The following TPO variants were observed in gnomAD, a reference collection of about 807,000 sequenced individuals.
TPO encodes thyroid peroxidase.
Under a neutral mutation model 96.9 loss-of-function variants are expected in TPO, and 78 were observed. The ratio of observed to expected loss-of-function variants is 0.81; its 90% confidence interval spans 0.67 to 0.97. The LOEUF (loss-of-function observed/expected upper bound fraction) is 0.97, where lower values mean the gene tolerates loss of function less well. TPO is among the 50% of genes least tolerant of loss of function. The pLI is 0.00. For missense variants in TPO, 1,252 were observed against 1,274.8 expected (o/e 0.98, Z 0.27); for synonymous variants, 547 against 538.0 (o/e 1.02, Z -0.23).
chr2:1,430,911 C>T (rs1371435292), intron 3 of TPO, among the ~76,000 whole-genome samples: 2 of 152,144 alleles, frequency 1.3e-5, no homozygotes, highest in Non-Finnish European at 2.9e-5. Flanking sequence ...CTCAGAGGCT[C>T]ATAGGTAGAA....
chr2:1,383,743 A>C (rs1371232963), intron 1 of TPO, among the ~76,000 whole-genome samples: 1 of 151,990 alleles, frequency 6.6e-6, no homozygotes, highest in Non-Finnish European at 1.5e-5. Context: ...CCCATTTGTC[A>C]ATTTTGGCTT....
chr2:1,429,346 C>T (rs963485067), intron 3 of TPO, among the ~76,000 whole-genome samples: 39 of 152,162 alleles, frequency 2.6e-4, no homozygotes, highest in African/African-American at 7.7e-4. Context: ...CCAGAAGAAC[C>T]GTGAGCCAAT....
intron 15 of TPO, among the ~76,000 whole-genome samples, chr2:1,535,063 C>CCCCCACACTGTGTGCAACCTTCCCAAAT (rs1679262845): frequency 9.8e-4 from 3 of 3,054 alleles, no homozygotes; most frequent in Non-Finnish European, 2.1e-3. Flanking sequence ...CTCCCCAAAT[C>CCCCCACACTGTGTGCAACCTTCCCAAAT]TCCCCCACTC....
In TPO at chr2:1,516,951, G is replaced by A. The variant is rs369563732; in HGVS notation, c.2587G>A (p.Ala863Thr). The A allele has an allele frequency of 4.8e-5, 78 of 1,613,830 alleles. No individual in the cohort carries two copies. The highest frequency in any genetic ancestry group is 2.9e-4 in the East Asian group (13 of 44,882). Residue 863 changes from alanine to threonine, a missense_variant, in exon 15 of 17, where the codon GCA becomes ACA. Physicochemically the swap from Ala to Thr is moderately conservative, Grantham distance 58 (BLOSUM62 0). Transcript: ENST00000329066. ...GGCTGCTCTGCTGATCGGAGGCTTC[G>A]CAGGTCTCACCTCGACGGTGATTTG... ...SLAALLIGGF[A>T]GLTSTVICRW...
intron 1 of TPO, among the ~76,000 whole-genome samples, chr2:1,374,900 T>TG (rs376590239): frequency 0.021 from 3,126 of 151,906 alleles, 111 homozygotes; most frequent in African/African-American, 0.072. Context: ...CTAAATTTTT[T>TG]TTGTATTTTT....
chr2:1,519,209 C>G (rs1675001813), intron 15 of TPO, among the ~76,000 whole-genome samples: 1 of 152,206 alleles, frequency 6.6e-6, no homozygotes, highest in Non-Finnish European at 1.5e-5. Flanking sequence ...CTGTGGTCCT[C>G]TGTGACTGCA....
intron 7 of TPO, among the ~76,000 whole-genome samples, chr2:1,466,618 T>C (rs1459534214): frequency 6.6e-6 from 1 of 152,160 alleles, no homozygotes; most frequent in Non-Finnish European, 1.5e-5. Flanking sequence ...CTAGGAGGGT[T>C]ATATCTTTCC....
intron 3 of TPO, among the ~76,000 whole-genome samples, chr2:1,426,376 T>G (rs577596532): frequency 4.1e-5 from 6 of 146,910 alleles, no homozygotes; most frequent in Admixed American, 6.8e-5. Context: ...TAAAGTCATT[T>G]TTCTAGATGC....
In TPO at chr2:1,542,559, A is replaced by C; in HGVS notation, c.*85A>C. On this transcript the variant is annotated 3_prime_UTR_variant, in exon 17 of 17. Transcript: ENST00000329066. ...TTTTCCAAACACAGGCAAATCCGAA[A>C]TCAGCAGGACGACTGTTTTCCCAAC... The C allele has an allele frequency of 6.3e-7, 1 of 1,590,722 alleles. No individual in the cohort carries two copies. Among genetic ancestry groups the C allele is most frequent in the Non-Finnish European group, 8.6e-7 (1 of 1,167,912 alleles).
At chr2:1,383,425 G>T (rs552491776) in intron 1 of TPO, among the ~76,000 whole-genome samples, 14 of 152,286 alleles carry the variant, frequency 9.2e-5, no homozygotes, top group African/African-American at 3.4e-4. Context: ...ATTTTAACTG[G>T]TGAGAGATGA....
chr2:1,510,546 C>T (rs189515597), intron 14 of TPO, among the ~76,000 whole-genome samples: 48 of 152,330 alleles, frequency 3.2e-4, no homozygotes, highest in African/African-American at 1.1e-3. Flanking sequence ...AGGTCAGGAA[C>T]AGCCCTGGGA....
chr2:1,542,807 G>A lies in TPO; in HGVS notation c.*333G>A. ...CACCTTCTGGCATCTCTGATGCCGT[G>A]CTCGTCTGCACTCTGCCCCGGCGGT... On this transcript the variant is annotated 3_prime_UTR_variant, in exon 17 of 17. Coordinates refer to ENST00000329066, the MANE Select transcript of TPO (RefSeq NM_001206744.2). 1.9e-6 allele frequency: 1 copy of A among 528,914 alleles called. No individual in the cohort carries two copies. The highest frequency in any genetic ancestry group is 2.0e-5 in the South Asian group (1 of 50,116). 32.8% of individuals were successfully genotyped at this position (528,914 alleles called of 1,614,324 possible). A position where few individuals can be genotyped will look rare whatever the true frequency, so the allele number is the denominator to read the frequency against.
chr2:1,458,768 T>G (rs148853772), intron 7 of TPO, among the ~76,000 whole-genome samples: 17 of 152,358 alleles, frequency 1.1e-4, no homozygotes, highest in Admixed American at 1.1e-3. Context: ...TATACATGTC[T>G]GCTTAACATT....
intron 15 of TPO, among the ~76,000 whole-genome samples, chr2:1,524,788 A>G (rs1193824179): frequency 8.2e-6 from 1 of 121,340 alleles, no homozygotes; most frequent in Non-Finnish European, 1.7e-5. Context: ...CACTATGAGC[A>G]GCCTCCTCAA....
At chr2:1,525,948 G>A (rs73178573) in intron 15 of TPO, among the ~76,000 whole-genome samples, 3,177 of 16,814 alleles carry the variant, frequency 0.19, 215 homozygotes, top group African/African-American at 0.39. Flanking sequence ...CATATCCCCC[G>A]ACTGTTTACA....
At chr2:1,493,674 A>G in intron 10 of TPO, 128 bp from the exon 11 acceptor site, 1 of 1,096,150 alleles carries the variant, frequency 9.1e-7, no homozygotes, top group Non-Finnish European at 1.4e-6. Context: ...ACTGCCAGGC[A>G]GTGTCACAGG....
intron 7 of TPO, among the ~76,000 whole-genome samples, chr2:1,472,759 A>C (rs1448320727): frequency 7.3e-6 from 1 of 136,154 alleles, no homozygotes; most frequent in Non-Finnish European, 1.5e-5. Flanking sequence ...TGTACCCCTT[A>C]CTCACATTCG....
chr2:1,473,187 T>C (rs1669594771), intron 7 of TPO, among the ~76,000 whole-genome samples: 1 of 152,158 alleles, frequency 6.6e-6, no homozygotes, highest in Admixed American at 6.5e-5. Context: ...GGTTCAGGAA[T>C]CTCCTTTGCT....
intron 13 of TPO, among the ~76,000 whole-genome samples, chr2:1,499,579 G>A (rs1672674710): frequency 7.2e-6 from 1 of 139,438 alleles, no homozygotes; most frequent in Non-Finnish European, 1.6e-5. Flanking sequence ...CGGCGTCTGG[G>A]GCCACCACAA....
Sources: allele counts gnomAD v4.1 joint callset (sites outside exome capture counted in the v4.1 genomes callset), GRCh38; gene constraint gnomAD v4.1.1; transcripts MANE v1.5; gene names NCBI Gene and HGNC (gene_info 2026-07-23, HGNC 2026-07-21).